Variants in PREX1 observed in about 807,000 individuals in gnomAD.
PREX1 encodes the protein phosphatidylinositol-3,4,5-trisphosphate dependent Rac exchange factor 1.
A neutral mutation model predicts 198.3 loss-of-function variants in PREX1; 41 were observed. The observed-to-expected ratio is 0.21, with a 90% CI of 0.16 to 0.27. PREX1 has a LOEUF of 0.27. Ranked by LOEUF, PREX1 falls within the 10% of genes least tolerant of loss-of-function variation. PREX1 has a pLI of 1.00. For synonymous variants in PREX1, 843 were observed against 887.2 expected, an observed-to-expected ratio of 0.95 and a Z score of 0.89; for missense variants, 1,620 against 2,200.7, an observed-to-expected ratio of 0.74 and a Z score of 5.28.
intron 13 of PREX1, among the ~76,000 whole-genome samples, chr20:48,678,044 T>A (rs2089721626): frequency 6.6e-6 from 1 of 151,756 alleles, no homozygotes; most frequent in South Asian, 2.1e-4. Flanking sequence ...CCAGGTGCAG[T>A]GGTTCACGCC....
chr20:48,883,878 G>C, the PREX1 span, among the ~76,000 whole-genome samples: 11 of 152,068 alleles, frequency 7.2e-5, no homozygotes, highest in African/African-American at 1.7e-4. Context: ...CAGTGGCTCA[G>C]GCCTGTAATC....
Position 48,658,166 on chromosome 20 carries a change from C to T in PREX1, c.1944G>A (p.Val648=). 1 of 1,614,214 alleles carries T rather than the reference C, an allele frequency of 6.2e-7. No homozygotes were observed. The highest frequency in any genetic ancestry group is 1.1e-5 in the South Asian group (1 of 91,084). The change falls in exon 17 of 40, where the codon GTG becomes GTA. Residue 648 remains valine (V), a synonymous_variant. Transcript: ENST00000371941. ...CCAGCGAGCCCCTCTGGACGGACTT[C>T]ACCACCACAGCCTTGTTCTTCTCCT... ...DIEEKNKAVV[V]KSVQRGSLAE...
At chr20:48,738,562 A>G (rs774675315) in intron 3 of PREX1, among the ~76,000 whole-genome samples, 2 of 152,202 alleles carry the variant, frequency 1.3e-5, no homozygotes, top group Non-Finnish European at 2.9e-5. Context: ...TCAGAGTCCA[A>G]GTGTTCCATT....
At chr20:48,823,343 G>A (rs115794147) in intron 1 of PREX1, among the ~76,000 whole-genome samples, 3,477 of 152,050 alleles carry the variant, frequency 0.023, 54 homozygotes, top group Middle Eastern at 0.031. Flanking sequence ...CTGCCCCTGA[G>A]GTGCCTCCCC....
chr20:48,715,533 C>A (rs1032859009), intron 5 of PREX1, among the ~76,000 whole-genome samples: 3 of 152,096 alleles, frequency 2.0e-5, no homozygotes, highest in South Asian at 2.1e-4. Flanking sequence ...AGCTGTGGGG[C>A]CTTGCACAAG....
At chr20:48,868,436 G>T in the PREX1 span, among the ~76,000 whole-genome samples, 1 of 151,956 alleles carries the variant, frequency 6.6e-6, no homozygotes, top group Non-Finnish European at 1.5e-5. Flanking sequence ...TCCTGCCTCA[G>T]CCTCCAAATC....
At chr20:48,884,818 G>A in the PREX1 span, among the ~76,000 whole-genome samples, 7 of 152,142 alleles carry the variant, frequency 4.6e-5, no homozygotes, top group Admixed American at 4.6e-4. Flanking sequence ...ATAGTAAAAA[G>A]ACAAATAAAC....
At chr20:48,721,006 A>G (rs1042154724) in intron 5 of PREX1, among the ~76,000 whole-genome samples, 2 of 152,184 alleles carry the variant, frequency 1.3e-5, no homozygotes, top group Non-Finnish European at 2.9e-5. Flanking sequence ...TTCCGAATGG[A>G]CAGGTCCCAG....
the PREX1 span, among the ~76,000 whole-genome samples, chr20:48,860,869 G>A: frequency 6.6e-6 from 1 of 151,250 alleles, no homozygotes; most frequent in Admixed American, 6.6e-5. Context: ...AGTGGCTCAT[G>A]TCTGCAATCC....
intron 3 of PREX1, among the ~76,000 whole-genome samples, chr20:48,740,733 T>C (rs1028863441): frequency 8.5e-5 from 13 of 152,238 alleles, no homozygotes; most frequent in African/African-American, 3.1e-4. Context: ...AAGATGATTT[T>C]AAATTAAAAA....
chr20:48,734,971 T>C (rs1196759234), intron 3 of PREX1, among the ~76,000 whole-genome samples: 3 of 152,230 alleles, frequency 2.0e-5, no homozygotes, highest in African/African-American at 7.2e-5. Context: ...GCAGGTTACC[T>C]GACTTCCCTG....
At chr20:48,638,660 C>T (rs1028908497) in intron 30 of PREX1, among the ~76,000 whole-genome samples, 7 of 151,716 alleles carry the variant, frequency 4.6e-5, no homozygotes, top group African/African-American at 7.3e-5. Flanking sequence ...GGACTCACCA[C>T]GCCAGGCAGC....
the PREX1 span, among the ~76,000 whole-genome samples, chr20:48,836,815 T>C: frequency 0.024 from 3,406 of 140,372 alleles, 47 homozygotes; most frequent in Middle Eastern, 0.038. Context: ...CTCTGGAGGC[T>C]AAGGCAGGAA....
chr20:48,770,218 T>G (rs1327954704), intron 1 of PREX1, among the ~76,000 whole-genome samples: 1 of 152,106 alleles, frequency 6.6e-6, no homozygotes, highest in Non-Finnish European at 1.5e-5. Flanking sequence ...AAACACATGT[T>G]TTGCCCAGGA....
chr20:48,773,780 G>A (rs1336840066), intron 1 of PREX1, among the ~76,000 whole-genome samples: 5 of 152,196 alleles, frequency 3.3e-5, no homozygotes, highest in African/African-American at 4.8e-5. Flanking sequence ...CTCTGGGTAA[G>A]GTGGGAGCCA....
chr20:48,681,721 C>T (rs991615626), intron 10 of PREX1, among the ~76,000 whole-genome samples: 12 of 125,108 alleles, frequency 9.6e-5, no homozygotes, highest in African/African-American at 3.8e-4. Flanking sequence ...GATGGATGTC[C>T]GGCCAGACAG....
chr20:48,729,263 GAC>G (rs1016222001), intron 4 of PREX1, among the ~76,000 whole-genome samples: 2 of 152,066 alleles, frequency 1.3e-5, no homozygotes, highest in African/African-American at 4.8e-5. Context: ...TTTTAGTAGA[GAC>G]AGGGTTTTGC....
chr20:48,818,307 G>A (rs2090467511), intron 1 of PREX1, among the ~76,000 whole-genome samples: 1 of 152,210 alleles, frequency 6.6e-6, no homozygotes, highest in Admixed American at 6.5e-5. Context: ...AGTTTGAAAG[G>A]GTGAGGTTTA....
chr20:48,739,488 GC>G (rs1331482012), intron 3 of PREX1, among the ~76,000 whole-genome samples: 4 of 152,038 alleles, frequency 2.6e-5, no homozygotes, highest in African/African-American at 7.3e-5. Context: ...AGCAGCCCTG[GC>G]CCTGACCTCC....
Sources: allele counts gnomAD v4.1 joint callset (sites outside exome capture counted in the v4.1 genomes callset), GRCh38; gene constraint gnomAD v4.1.1; transcripts MANE v1.5; gene names NCBI Gene and HGNC (gene_info 2026-07-23, HGNC 2026-07-21).